The following CCDC30 variants were observed in gnomAD, a reference collection of about 807,000 sequenced individuals.
The protein encoded by CCDC30 is coiled-coil domain-containing protein 30.
CCDC30 carries 70 observed loss-of-function variants against 100.2 expected under a neutral mutation model. That is an observed-to-expected ratio of 0.70 (90% CI 0.58 to 0.85). The LOEUF is 0.85. Ranked by LOEUF, CCDC30 falls within the 40% of genes least tolerant of loss-of-function variation. The pLI is 0.00. For missense variants in CCDC30, 652 were observed against 771.2 expected (o/e 0.85, Z 1.83); for synonymous variants, 233 against 269.5 (o/e 0.86, Z 1.33).
chr1:42,585,148 A>G (rs11210675), intron 9 of CCDC30, among the ~76,000 whole-genome samples: 30,262 of 152,194 alleles, frequency 0.2, 3,320 homozygotes, highest in South Asian at 0.42. Context: ...ATCAGTCCAT[A>G]TAATGTAAGT....
At chr1:42,650,535 GTGTGTA>G (rs1323253866) in intron 15 of CCDC30, among the ~76,000 whole-genome samples, 3 of 150,558 alleles carry the variant, frequency 2.0e-5, no homozygotes, top group African/African-American at 7.4e-5. Flanking sequence ...GTGTGTGTGT[GTGTGTA>G]TAACAGAACT....
At chr1:42,609,283 C>G (rs10890202) in intron 10 of CCDC30, among the ~76,000 whole-genome samples, 97,209 of 152,034 alleles carry the variant, frequency 0.64, 31,274 homozygotes, top group South Asian at 0.71. Flanking sequence ...TCTACCTTAT[C>G]GTTTTCTTAA....
chr1:42,589,294 G>T (rs201376346), intron 9 of CCDC30, 27 bp from the exon 14 acceptor site: 3 of 1,543,930 alleles, frequency 1.9e-6, no homozygotes, highest in Non-Finnish European at 2.6e-6. Context: ...TTCATGGTGT[G>T]ATTTAATCTA....
chr1:42,528,335 T>A (rs1051041500), intron 6 of CCDC30, among the ~76,000 whole-genome samples: 3 of 152,316 alleles, frequency 2.0e-5, no homozygotes, highest in South Asian at 4.1e-4. Context: ...GTGACCACAA[T>A]TGTGGCCCAC....
rs530582668 is a variant in CCDC30, at chr1:42,621,754, G to A, written c.1277+10664G>A. On this transcript the variant is annotated intron_variant, in intron 11 of 16. Transcript: ENST00000668663. The stretch of plus-strand genomic sequence containing the variant: ...TCGCGATCTCCTGACCTTGTGATCC[G>A]CCCGCCTCGGCCTCCCAAAGTGCCG... 9.4e-4 allele frequency among the ~76,000 whole-genome samples: 143 copies of A among 151,798 alleles called. 1 individual carries two copies. The highest frequency in any genetic ancestry group is 3.4e-3 in the Middle Eastern group (1 of 294).
chr1:42,537,176 G>A lies in CCDC30; in HGVS notation c.457-29120G>A, dbSNP rs138293699. 166 of 456,172 alleles carry A rather than the reference G, an allele frequency of 3.6e-4. 2 individuals carry two copies. The highest frequency in any genetic ancestry group is 3.2e-3 in the African/African-American group (160 of 50,192). 28.3% of individuals were successfully genotyped at this position (456,172 alleles called of 1,614,324 possible). A position where few individuals can be genotyped will look rare whatever the true frequency, so the allele number is the denominator to read the frequency against. ...TCCTTTATTTAGCAGACGTTTGATTGTTGTAGTGTTCATAGAGTCATGGGC... is the reference window on the plus strand; with the variant it reads ...TCCTTTATTTAGCAGACGTTTGATTATTGTAGTGTTCATAGAGTCATGGGC... On this transcript the variant is annotated intron_variant, in intron 6 of 16. Transcript: ENST00000668663.
At chr1:42,563,412 T>C (rs1411837200) in intron 6 of CCDC30, among the ~76,000 whole-genome samples, 1 of 151,682 alleles carries the variant, frequency 6.6e-6, no homozygotes, top group African/African-American at 2.4e-5. Context: ...ACATTGAGAA[T>C]ACATCGACAC....
chr1:42,607,880 T>G (rs1646534779), intron 10 of CCDC30, among the ~76,000 whole-genome samples: 1 of 152,200 alleles, frequency 6.6e-6, no homozygotes, highest in African/African-American at 2.4e-5. Context: ...AGAAGTACCT[T>G]GGTAACAAGG....
intron 6 of CCDC30, among the ~76,000 whole-genome samples, chr1:42,506,463 G>A (rs185225070): frequency 2.0e-5 from 3 of 152,166 alleles, no homozygotes; most frequent in Non-Finnish European, 2.9e-5. Flanking sequence ...CTGACAAAGA[G>A]ATTTGGTTAT....
rs965693515 is a variant in CCDC30 at position 42,582,289 on chromosome 1, A to G, written c.1001+775A>G. ...CAAGGTCAAGGCACTTTTGTAAGTG[A>G]TGAAGCACACCATTTAGTCCATCCC... is the stretch of plus-strand genomic sequence containing the variant. On this transcript the variant is annotated intron_variant, in intron 9 of 16. Transcript: ENST00000668663. 4.6e-5 allele frequency among the ~76,000 whole-genome samples: 7 copies of G among 152,198 alleles called. No homozygotes were observed. The East Asian group carries it at 1.3e-3, about 29-fold the overall frequency.
chr1:42,566,163 G>A, intron 6 of CCDC30, 133 bp from the exon 11 acceptor site: 1 of 645,954 alleles, frequency 1.5e-6, no homozygotes, highest in Non-Finnish European at 2.7e-6. Context: ...GTTTGCTGTA[G>A]ATAAGCTAAC....
upstream of CCDC30, among the ~76,000 whole-genome samples, chr1:42,458,939 C>G (rs2148420259): frequency 6.6e-6 from 1 of 152,302 alleles, no homozygotes; most frequent in East Asian, 1.9e-4. Context: ...AAAAACCCAA[C>G]TTTATTTAGG....
intron 6 of CCDC30, among the ~76,000 whole-genome samples, chr1:42,534,602 A>G (rs1644861720): frequency 6.6e-6 from 1 of 152,176 alleles, no homozygotes; most frequent in African/African-American, 2.4e-5. Flanking sequence ...TGTTTTATTG[A>G]CATTAAACAT....
Position 42,644,727 on chromosome 1 carries a change from C to A in CCDC30, c.1591C>A (p.Gln531Lys), listed in dbSNP as rs777032795. The A allele has an allele frequency of 6.2e-7, 1 of 1,612,230 alleles. No individual in the cohort carries two copies. Among genetic ancestry groups the A allele is most frequent in the Non-Finnish European group, 8.5e-7 (1 of 1,178,418 alleles). The stretch of plus-strand genomic sequence containing the variant: ...CATGGATAAAGAAAATAAGCAATTA[C>A]AGGAAAATAGTCTTCGTCTCACACA... The change falls in exon 14 of 17, where the codon CAG becomes AAG. Residue 531 changes from glutamine to lysine, a missense_variant. Transcript: ENST00000668663.
At chr1:42,654,025 A>G (rs954008976) in exon 17 of CCDC30, 1 of 1,610,976 alleles carries the variant, frequency 6.2e-7, no homozygotes, top group African/African-American at 1.3e-5. Context: ...AGTCAGAACT[A>G]TAAAATCACT....
intron 6 of CCDC30, among the ~76,000 whole-genome samples, chr1:42,554,185 A>G (rs1457916278): frequency 1.3e-5 from 2 of 151,886 alleles, no homozygotes; most frequent in Non-Finnish European, 2.9e-5. Context: ...GCATTATTGT[A>G]CAGTCATCTT....
intron 6 of CCDC30, among the ~76,000 whole-genome samples, chr1:42,561,791 T>TGGG (rs1645493355): frequency 6.6e-6 from 1 of 152,126 alleles, no homozygotes; most frequent in African/African-American, 2.4e-5. Flanking sequence ...AAACCACAAG[T>TGGG]ATTCCTTTAC....
In CCDC30 at chr1:42,537,829, C is replaced by T. The variant is rs572155108; in HGVS notation, c.457-28467C>T. ...TCCCGAAAATACAAAATTAGCCAGG[C>T]GTGGTGGTGCATGCCTATAATCCCA... On this transcript the variant is annotated intron_variant, in intron 6 of 16. Transcript: ENST00000668663. 66 of 157,806 alleles carry T rather than the reference C, an allele frequency of 4.2e-4. 1 individual carries two copies. In the East Asian group the frequency reaches 9.4e-3, roughly 22 times the overall value. The allele number at this position is 157,806 out of a possible 1,614,324, so 9.8% of individuals were successfully genotyped here.
rs1271355204 is a variant in CCDC30 at position 42,638,717 on chromosome 1, T to C, written c.1419+1339T>C. 4.0e-5 allele frequency among the ~76,000 whole-genome samples: 6 copies of C among 151,746 alleles called. No homozygotes were observed. In the East Asian group the frequency reaches 1.2e-3, roughly 29 times the overall value. The stretch of plus-strand genomic sequence containing the variant: ...GGTGAAATCCCATCTCTACTGAAAA[T>C]ACAAAAAAATTAGCCGAGCATGGTG... On this transcript the variant is annotated intron_variant, in intron 12 of 16. Transcript: ENST00000668663.
Sources: gnomAD v4.1 joint callset for allele counts (sites outside exome capture counted in the v4.1 genomes callset) on GRCh38, gnomAD v4.1.1 for gene constraint, MANE v1.5 for transcripts, NCBI Gene and HGNC (gene_info 2026-07-23, HGNC 2026-07-21) for gene names.